Variants in MAGI2 observed in about 807,000 individuals in gnomAD.
MAGI2 encodes the protein membrane associated guanylate kinase, WW and PDZ domain containing 2.
A neutral mutation model predicts 133.3 loss-of-function variants in MAGI2; 35 were observed. The ratio of observed to expected loss-of-function variants is 0.26; its 90% CI spans 0.20 to 0.35. MAGI2 has a LOEUF of 0.35. MAGI2 is among the 10% of genes least tolerant of loss of function. The pLI is 1.00. For missense variants in MAGI2, 1,636 were observed against 1,863.4 expected, an observed-to-expected ratio of 0.88 and a Z score of 2.25; for synonymous variants, 729 against 710.6, an observed-to-expected ratio of 1.03 and a Z score of -0.41.
At chr7:78,773,379 T>C (rs1825741059) in intron 2 of MAGI2, among the ~76,000 whole-genome samples, 1 of 152,070 alleles carries the variant, frequency 6.6e-6, no homozygotes, top group Non-Finnish European at 1.5e-5. Flanking sequence ...CAACTAACCC[T>C]AGCCAACTTT....
intron 1 of MAGI2, among the ~76,000 whole-genome samples, chr7:79,382,917 A>G (rs551502199): frequency 6.6e-6 from 1 of 151,744 alleles, no homozygotes; most frequent in South Asian, 2.1e-4. Context: ...AAGACCTGAA[A>G]AACAAATCTT....
chr7:78,022,339 C>T (rs182325678), intron 21 of MAGI2, among the ~76,000 whole-genome samples: 6 of 152,290 alleles, frequency 3.9e-5, no homozygotes, highest in Admixed American at 3.3e-4. Flanking sequence ...ATTTTAATAG[C>T]TCTTTTCCCC....
At chr7:78,460,207 T>C (rs537746823) in intron 6 of MAGI2, among the ~76,000 whole-genome samples, 5 of 152,372 alleles carry the variant, frequency 3.3e-5, no homozygotes, top group African/African-American at 1.2e-4. Flanking sequence ...TTTGGTTGGT[T>C]AGCCAAAAGG....
chr7:79,203,693 GA>G (rs1453902386), intron 1 of MAGI2, among the ~76,000 whole-genome samples: 1 of 151,638 alleles, frequency 6.6e-6, no homozygotes, highest in Non-Finnish European at 1.5e-5. Flanking sequence ...CAAGGGGACA[GA>G]AAAAAAACCA....
chr7:78,636,849 T>C (rs1026551988), intron 2 of MAGI2, among the ~76,000 whole-genome samples: 2 of 151,890 alleles, frequency 1.3e-5, no homozygotes, highest in Admixed American at 6.6e-5. Flanking sequence ...ACAAAAAACA[T>C]AGGCTGCATC....
At chr7:78,732,543 A>AGAAT (rs945853457) in intron 2 of MAGI2, among the ~76,000 whole-genome samples, 17 of 152,192 alleles carry the variant, frequency 1.1e-4, no homozygotes, top group South Asian at 2.1e-4. Flanking sequence ...GATTGAAAGA[A>AGAAT]GAATATAGGA....
intron 2 of MAGI2, among the ~76,000 whole-genome samples, chr7:78,804,240 G>T (rs1037611598): frequency 6.6e-6 from 1 of 152,046 alleles, no homozygotes; most frequent in Admixed American, 6.5e-5. Flanking sequence ...CGGCTTTCTT[G>T]TTCCCTTTGG....
Position 78,876,815 on chromosome 7 carries a change from C to G in MAGI2, c.418+130275G>C, listed in dbSNP as rs564786070. Among the ~76,000 whole-genome samples the G allele has an allele frequency of 6.6e-5, 10 of 152,194 alleles. No homozygotes were observed. The East Asian group carries it at 1.9e-3, about 29-fold the overall frequency. On this transcript the variant is annotated intron_variant, in intron 2 of 21. Transcript: ENST00000354212. ...CCTAAAGGCTATGGAATTTTGCTCC[C>G]CATCATTGAAGATGAAATATTTACA...
Position 78,228,544 on chromosome 7 carries a change from G to A in MAGI2, c.2048-27351C>T, listed in dbSNP as rs181462088. On this transcript the variant is annotated intron_variant, in intron 10 of 21. Coordinates refer to ENST00000354212, the MANE Select transcript of MAGI2 (RefSeq NM_012301.4). ...ATTTTACAAGACTCACAACCCAAGAGGGGCAACATCAACAGCAGAGACTCC... is the reference window on the plus strand; with the variant it reads ...ATTTTACAAGACTCACAACCCAAGAAGGGCAACATCAACAGCAGAGACTCC... 1.4e-4 allele frequency among the ~76,000 whole-genome samples: 21 copies of A among 152,264 alleles called. No homozygotes were observed. In the South Asian group the frequency reaches 2.5e-3, roughly 18 times the overall value.
At chr7:78,361,352 C>T (rs371423203) in intron 7 of MAGI2, among the ~76,000 whole-genome samples, 82 of 147,442 alleles carry the variant, frequency 5.6e-4, no homozygotes, top group African/African-American at 1.8e-3. Flanking sequence ...AAGATCGTGC[C>T]ACTGCACTCC....
intron 3 of MAGI2, among the ~76,000 whole-genome samples, chr7:78,603,374 G>A (rs1805419428): frequency 6.6e-6 from 1 of 152,138 alleles, no homozygotes. Context: ...CTATCCTGAG[G>A]AAACGTTTTC....
At chr7:79,064,377 G>GC (rs1814094789) in intron 1 of MAGI2, among the ~76,000 whole-genome samples, 1 of 152,014 alleles carries the variant, frequency 6.6e-6, no homozygotes, top group African/African-American at 2.4e-5. Context: ...AAAGCTCAAA[G>GC]TTCAATGACT....
chr7:79,038,000 T>C (rs1811277971), intron 1 of MAGI2, among the ~76,000 whole-genome samples: 1 of 152,198 alleles, frequency 6.6e-6, no homozygotes, highest in Non-Finnish European at 1.5e-5. Context: ...TCTGTCTACT[T>C]GCCAAAAACC....
chr7:78,693,595 G>A (rs12533194), intron 2 of MAGI2, among the ~76,000 whole-genome samples: 7,636 of 152,162 alleles, frequency 0.05, 276 homozygotes, highest in Non-Finnish European at 0.077. Context: ...AATGTTCAGA[G>A]GCTTGGGAAG....
intron 6 of MAGI2, chr7:78,484,920 G>C (rs1792822109): frequency 2.3e-5 from 3 of 128,134 alleles, no homozygotes; most frequent in Admixed American, 8.5e-5. Flanking sequence ...AGCTTTTCCT[G>C]ACTCCAAATC....
intron 2 of MAGI2, among the ~76,000 whole-genome samples, chr7:78,735,676 T>C (rs891819438): frequency 1.3e-5 from 2 of 152,206 alleles, no homozygotes; most frequent in African/African-American, 4.8e-5. Flanking sequence ...TTAATAAATT[T>C]AAATAAACCT....
intron 3 of MAGI2, chr7:78,621,252 T>A (rs1014069706): frequency 1.3e-5 from 2 of 151,928 alleles, no homozygotes; most frequent in Non-Finnish European, 1.5e-5. Context: ...TCTGCATTCA[T>A]CCAAAGAGCT....
chr7:79,015,075 A>C (rs1209767957), intron 1 of MAGI2, among the ~76,000 whole-genome samples: 1 of 152,216 alleles, frequency 6.6e-6, no homozygotes, highest in Non-Finnish European at 1.5e-5. Flanking sequence ...ATGAATATTT[A>C]AGCTTATTTC....
At chr7:78,577,986 T>C (rs993927809) in intron 3 of MAGI2, among the ~76,000 whole-genome samples, 2 of 151,902 alleles carry the variant, frequency 1.3e-5, no homozygotes, top group Admixed American at 1.3e-4. Context: ...TTTATCCTTG[T>C]TTTGGGGTTC....
Sources: gnomAD v4.1 joint callset for allele counts (sites outside exome capture counted in the v4.1 genomes callset) on GRCh38, gnomAD v4.1.1 for gene constraint, MANE v1.5 for transcripts, NCBI Gene and HGNC (gene_info 2026-07-23, HGNC 2026-07-21) for gene names.